The following ATE1 variants were observed in gnomAD, a reference collection of about 807,000 sequenced individuals.
ATE1 encodes arginyl-tRNA--protein transferase 1.
Under a neutral mutation model 70.5 loss-of-function variants are expected in ATE1, and 36 were observed. That is an observed-to-expected ratio of 0.51 (90% confidence interval 0.39 to 0.67). ATE1 has a LOEUF of 0.67. ATE1 is among the 30% of genes least tolerant of loss of function. ATE1 has a pLI of 0.00. For missense variants in ATE1, 593 were observed against 629.5 expected (o/e 0.94, Z 0.62); for synonymous variants, 232 against 219.3 (o/e 1.06, Z -0.51).
At chr10:121,840,958 CA>C (rs1467620105) in intron 9 of ATE1, 123 bp downstream of exon 9, 4 of 908,160 alleles carry the variant, frequency 4.4e-6, no homozygotes, top group Non-Finnish European at 6.0e-6. Flanking sequence ...AAGAGACTAG[CA>C]ACAAATCATT....
At position 121,857,483 on chromosome 10, in the gene ATE1, C is replaced by A. The variant is rs1175437071; in HGVS notation, c.975+12523G>T. 2.0e-5 allele frequency among the ~76,000 whole-genome samples: 3 copies of A among 152,278 alleles called. No individual in the cohort carries two copies. In the East Asian group the frequency reaches 5.8e-4, roughly 29 times the overall value. On this transcript the variant is annotated intron_variant, in intron 8 of 11. Transcript: ENST00000224652. The stretch of plus-strand genomic sequence containing the variant: ...CATAGTATTCCATGGTGTATATGTA[C>A]TACATTTTCTTTATCCACTCCACCT...
chr10:121,885,808 G>T (rs141622073), intron 7 of ATE1, among the ~76,000 whole-genome samples: 14 of 152,020 alleles, frequency 9.2e-5, no homozygotes, highest in African/African-American at 3.4e-4. Context: ...GCTGAAGCAC[G>T]AGAATCGCTT....
At chr10:121,779,070 C>T (rs745775706) in intron 11 of ATE1, among the ~76,000 whole-genome samples, 20 of 152,198 alleles carry the variant, frequency 1.3e-4, no homozygotes, top group Non-Finnish European at 2.5e-4. Flanking sequence ...CATTTCCTAT[C>T]CTTCCAGCTT....
chr10:121,864,881 C>T (rs1261440948), intron 8 of ATE1, among the ~76,000 whole-genome samples: 1 of 152,020 alleles, frequency 6.6e-6, no homozygotes, highest in Non-Finnish European at 1.5e-5. Flanking sequence ...GAGCAGAAGC[C>T]AGAGATGCTA....
At position 121,841,216 on chromosome 10, in the gene ATE1, G is replaced by A. The variant is rs769080655; in HGVS notation, c.1023C>T (p.His341=). Residue 341 remains histidine, a synonymous_variant, in exon 9 of 12, where the codon CAC becomes CAT. Coordinates refer to ENST00000224652, the MANE Select transcript of ATE1 (RefSeq NM_001001976.3). ...NGPDCGYGSF[H]QQYWLDGKII... ...TCTTTCCGTCAAGCCAGTACTGCTG[G>A]TGAAAGGAGCCATAGCCACAATCTG... 4 of 1,570,104 alleles carry A rather than the reference G, an allele frequency of 2.5e-6. No homozygotes were observed. The South Asian group carries it at 4.8e-5, about 19-fold the overall frequency.
chr10:121,907,292 T>A (rs1333285228), intron 5 of ATE1, among the ~76,000 whole-genome samples: 1 of 151,472 alleles, frequency 6.6e-6, no homozygotes, highest in African/African-American at 2.4e-5. Flanking sequence ...CCATTTCTAC[T>A]AAAAGTACCT....
chr10:121,885,398 T>C lies in ATE1; in HGVS notation c.942+14468A>G, dbSNP rs1244806734. Among the ~76,000 whole-genome samples, 7 of 149,210 alleles carry C rather than the reference T, an allele frequency of 4.7e-5. No individual in the cohort carries two copies. The East Asian group carries it at 1.0e-3, about 21-fold the overall frequency. ...TCCTGGCTAACACGGTGAAACTCCA[T>C]CTCTACTAAAAAACACAAAAAATTA... On this transcript the variant is annotated intron_variant, in intron 7 of 11. Coordinates refer to ENST00000224652, the MANE Select transcript of ATE1 (RefSeq NM_001001976.3).
rs901170442 is a variant in ATE1, at chr10:121,926,653, A to G, written c.106+1191T>C. ...TAGGCACGTTTAATGTAACTTATTG[A>G]TTTGATAAATATTATAGCCAAAATA... On this transcript the variant is annotated intron_variant, in intron 1 of 11. Transcript: ENST00000224652. The G allele has an allele frequency of 9.1e-6, 8 of 878,130 alleles. No individual in the cohort carries two copies. In the African/African-American group the frequency reaches 1.1e-4, roughly 12 times the overall value. The allele number at this position is 878,130 out of a possible 1,614,324, so 54.4% of individuals were successfully genotyped here. A position where few individuals can be genotyped will look rare whatever the true frequency, so the allele number is the denominator to read the frequency against.
rs911955518 is a variant in ATE1, at chr10:121,924,207, C to T, written c.170+59G>A. On this transcript the variant is annotated intron_variant, in intron 2 of 11. Transcript: ENST00000224652. The stretch of plus-strand genomic sequence containing the variant: ...AACAGGAAAGCATTTCAAAGGCATG[C>T]TGTATTTTTCAAGAACCTGAGTAAC... The T allele has an allele frequency of 3.3e-6, 5 of 1,495,160 alleles. No individual in the cohort carries two copies. In the African/African-American group the frequency reaches 6.9e-5, roughly 21 times the overall value. The allele number at this position is 1,495,160 out of a possible 1,614,324, so 92.6% of individuals were successfully genotyped here. A position where few individuals can be genotyped will look rare whatever the true frequency, so the allele number is the denominator to read the frequency against.
At chr10:121,859,424 T>C (rs1226119445) in intron 8 of ATE1, among the ~76,000 whole-genome samples, 2 of 151,536 alleles carry the variant, frequency 1.3e-5, no homozygotes, top group Non-Finnish European at 2.9e-5. Flanking sequence ...GCCCGGCTAA[T>C]TTTTTGTATT....
chr10:121,879,478 T>G (rs1180966196), intron 7 of ATE1, among the ~76,000 whole-genome samples: 3 of 152,186 alleles, frequency 2.0e-5, no homozygotes, highest in African/African-American at 7.2e-5. Flanking sequence ...GGCAAGAACT[T>G]TATCTTGTTC....
intron 10 of ATE1, among the ~76,000 whole-genome samples, chr10:121,803,992 T>C (rs1164459023): frequency 1.3e-5 from 2 of 152,218 alleles, no homozygotes. Flanking sequence ...CCTGTCCCCT[T>C]GGATGCCATC....
At chr10:121,760,603 T>C (rs544010522) in intron 11 of ATE1, among the ~76,000 whole-genome samples, 1 of 152,208 alleles carries the variant, frequency 6.6e-6, no homozygotes, top group East Asian at 1.9e-4. Context: ...AGTTGTTTCT[T>C]ATGGAAGAGC....
At chr10:121,822,908 T>C (rs1489216255) in intron 10 of ATE1, among the ~76,000 whole-genome samples, 7 of 152,172 alleles carry the variant, frequency 4.6e-5, no homozygotes, top group South Asian at 2.1e-4. Flanking sequence ...CGATGTTTTA[T>C]AGGAGAGGCC....
At chr10:121,894,434 C>T (rs955695261) in intron 7 of ATE1, among the ~76,000 whole-genome samples, 16 of 152,292 alleles carry the variant, frequency 1.1e-4, no homozygotes, top group African/African-American at 3.8e-4. Context: ...AGAATCACAA[C>T]ATGGAGTGGC....
At chr10:121,898,759 G>C (rs1950868262) in intron 7 of ATE1, 2 of 1,514,156 alleles carry the variant, frequency 1.3e-6, no homozygotes, top group Non-Finnish European at 1.8e-6. Flanking sequence ...AGGGTCATCA[G>C]CTCCACCTGA....
chr10:121,749,887 C>T (rs1177588231), intron 11 of ATE1, among the ~76,000 whole-genome samples: 1 of 152,062 alleles, frequency 6.6e-6, no homozygotes, highest in Non-Finnish European at 1.5e-5. Context: ...ATCAAATTAC[C>T]CCTTCAGTGG....
chr10:121,886,294 T>TAAA (rs34248913), intron 7 of ATE1, among the ~76,000 whole-genome samples: 2 of 145,458 alleles, frequency 1.4e-5, no homozygotes, highest in Admixed American at 1.4e-4. Flanking sequence ...ATTGATGATT[T>TAAA]AAAAAAAAAA....
intron 9 of ATE1, among the ~76,000 whole-genome samples, chr10:121,840,643 A>G (rs1462356568): frequency 6.6e-6 from 1 of 152,086 alleles, no homozygotes; most frequent in African/African-American, 2.4e-5. Context: ...CTAGAGAATT[A>G]CCATCAGACA....
Sources: allele counts gnomAD v4.1 joint callset (sites outside exome capture counted in the v4.1 genomes callset), GRCh38; gene constraint gnomAD v4.1.1; transcripts MANE v1.5; gene names NCBI Gene and HGNC (gene_info 2026-07-23, HGNC 2026-07-21).